SLC10A1: variants seen among roughly 807,000 people sequenced by gnomAD.
SLC10A1 encodes solute carrier family 10 member 1, also known as hepatic sodium/bile acid cotransporter.
In SLC10A1, 36 loss-of-function variants were observed where a neutral mutation model predicts 20.5. The ratio of observed to expected loss-of-function variants is 1.75; its 90% CI spans 1.34 to 2.32. The LOEUF is 2.32. Among genes scored for constraint, SLC10A1 ranks in the 30% most tolerant of loss-of-function variants. SLC10A1 has a pLI of 0.00. For synonymous variants in SLC10A1, 188 were observed against 163.6 expected (o/e 1.15, Z -1.14); for missense variants, 545 against 439.1 (o/e 1.24, Z -2.16).
chr14:69,791,599 C>A (rs1383936300), intron 1 of SLC10A1, among the ~76,000 whole-genome samples: 1 of 152,128 alleles, frequency 6.6e-6, no homozygotes, highest in Non-Finnish European at 1.5e-5. Flanking sequence ...TGTGCCCGGC[C>A]CATGATTTTC....
rs201554362 is a variant in SLC10A1 at position 69,786,146 on chromosome 14, C to T, written c.518G>A (p.Gly173Glu). ...LVLVLIPCTI[G>E]IVLKSKRPQY... Reference sequence around the variant, plus strand: ...TGGCCGTTTGGATTTGAGGACGATCCCTATGGTGCAAGGAATGAGAACCAG... The same window carrying T: ...TGGCCGTTTGGATTTGAGGACGATCTCTATGGTGCAAGGAATGAGAACCAG... Residue 173 changes from glycine (G) to glutamate (E), a missense_variant, in exon 2 of 5, where the codon GGG (glycine) becomes GAG (glutamate). Coordinates refer to ENST00000216540, the MANE Select transcript of SLC10A1 (RefSeq NM_003049.4). The T allele has an allele frequency of 8.7e-6, 14 of 1,613,936 alleles. No individual in the cohort carries two copies. Among genetic ancestry groups the T allele is most frequent in the Non-Finnish European group, 1.2e-5 (14 of 1,180,038 alleles).
Position 69,776,160 on chromosome 14 carries a change from G to C in SLC10A1, c.*122C>G. On this transcript the variant is annotated 3_prime_UTR_variant, in exon 5 of 5. Coordinates refer to ENST00000216540, the MANE Select transcript of SLC10A1 (RefSeq NM_003049.4). Reference sequence around the variant, plus strand: ...CGGCCAAGACTTGATGATTCTGATAGATGTACTGGAAATGCTGGAGAAAGA... The same window carrying C: ...CGGCCAAGACTTGATGATTCTGATACATGTACTGGAAATGCTGGAGAAAGA... 1 of 713,140 alleles carries C rather than the reference G, an allele frequency of 1.4e-6. No individual in the cohort carries two copies. Among genetic ancestry groups the C allele is most frequent in the South Asian group, 1.8e-5 (1 of 56,920 alleles). The allele number at this position is 713,140 out of a possible 1,614,324, so 44.2% of individuals were successfully genotyped here. A position where few individuals can be genotyped will look rare whatever the true frequency, so the allele number is the denominator to read the frequency against.
intron 4 of SLC10A1, among the ~76,000 whole-genome samples, chr14:69,776,854 T>C (rs1387498776): frequency 3.9e-5 from 6 of 152,202 alleles, no homozygotes. Context: ...TCCTGCACCT[T>C]TCTATACAGA....
chr14:69,778,184 C>T, intron 4 of SLC10A1, 149 bp downstream of exon 4: 2 of 590,460 alleles, frequency 3.4e-6, no homozygotes, highest in South Asian at 5.9e-5. Flanking sequence ...TTTAATGCTT[C>T]TTGGGTGCTT....
intron 1 of SLC10A1, among the ~76,000 whole-genome samples, chr14:69,792,855 GC>G (rs1882307681): frequency 2.7e-5 from 4 of 147,336 alleles, no homozygotes; most frequent in Admixed American, 2.7e-4. Flanking sequence ...AAAAAAGCAA[GC>G]TGTTAGGTGA....
At chr14:69,781,514 A>G (rs987505738) in intron 2 of SLC10A1, among the ~76,000 whole-genome samples, 1 of 152,246 alleles carries the variant, frequency 6.6e-6, no homozygotes, top group Non-Finnish European at 1.5e-5. Context: ...GAGGGAAGCA[A>G]TAGCAGGGAC....
At chr14:69,783,738 G>A (rs1883650535) in intron 2 of SLC10A1, among the ~76,000 whole-genome samples, 1 of 152,206 alleles carries the variant, frequency 6.6e-6, no homozygotes. Flanking sequence ...GGGTGAGGAG[G>A]TTGGATGAGA....
At chr14:69,777,998 C>T (rs1396900569) in intron 4 of SLC10A1, among the ~76,000 whole-genome samples, 1 of 152,064 alleles carries the variant, frequency 6.6e-6, no homozygotes, top group East Asian at 1.9e-4. Context: ...CGAATAGAGG[C>T]CTTTCACACA....
Position 69,776,057 on chromosome 14 carries a change from A to G in SLC10A1, c.*225T>C, listed in dbSNP as rs1344375100. ...GTTTCATAGAGTTTACAGTCACTGA[A>G]CAAGTCTTTAAAATAAGTAGCAAAT... is the stretch of plus-strand genomic sequence containing the variant. On this transcript the variant is annotated 3_prime_UTR_variant, in exon 5 of 5. Transcript: ENST00000216540. 3.7e-6 allele frequency: 2 copies of G among 547,778 alleles called. No individual in the cohort carries two copies. Among genetic ancestry groups the G allele is most frequent in the Non-Finnish European group, 6.5e-6 (2 of 308,748 alleles). The allele number at this position is 547,778 out of a possible 1,614,324, so 33.9% of individuals were successfully genotyped here. A position where few individuals can be genotyped will look rare whatever the true frequency, so the allele number is the denominator to read the frequency against.
chr14:69,794,176 G>A (rs2139723126), intron 1 of SLC10A1, among the ~76,000 whole-genome samples: 1 of 152,264 alleles, frequency 6.6e-6, no homozygotes. Context: ...GGGGCCTTTG[G>A]GCTACAGCTG....
chr14:69,786,329 G>A, intron 1 of SLC10A1, 22 bp from the exon 2 acceptor site: 1 of 1,601,412 alleles, frequency 6.2e-7, no homozygotes, highest in East Asian at 2.2e-5. Flanking sequence ...CATGGGAAGA[G>A]GGGAGAGAGA....
chr14:69,787,574 A>G (rs1883751393), intron 1 of SLC10A1, among the ~76,000 whole-genome samples: 2 of 152,222 alleles, frequency 1.3e-5, no homozygotes, highest in South Asian at 4.1e-4. Flanking sequence ...CCTATATCAA[A>G]GGTTCCAGAG....
At chr14:69,786,454 C>A in intron 1 of SLC10A1, 147 bp from the exon 2 acceptor site, 1 of 652,776 alleles carries the variant, frequency 1.5e-6, no homozygotes. Context: ...AGTAAGCATA[C>A]TATCTTCTTT....
intron 3 of SLC10A1, among the ~76,000 whole-genome samples, chr14:69,778,958 A>G (rs1322851243): frequency 6.6e-6 from 1 of 152,132 alleles, no homozygotes; most frequent in Non-Finnish European, 1.5e-5. Context: ...TGAGCTCATT[A>G]GTTCAAAACT....
Position 69,789,447 on chromosome 14 carries a change from A to G in SLC10A1, c.357-3140T>C, listed in dbSNP as rs114117486. Among the ~76,000 whole-genome samples the G allele has an allele frequency of 9.3e-3, 1,419 of 152,346 alleles. 20 individuals carry two copies. Among genetic ancestry groups the G allele is most frequent in the African/African-American group, 0.031 (1,273 of 41,562 alleles). ...TGAAAATATGCTAAGTGAAAGAAGT[A>G]TAGATACAAAAGGTCACATATTGAA... On this transcript the variant is annotated intron_variant, in intron 1 of 4. Coordinates refer to ENST00000216540, the MANE Select transcript of SLC10A1 (RefSeq NM_003049.4).
At chr14:69,796,716 C>T (rs1168061730) in intron 1 of SLC10A1, 84 bp downstream of exon 1, 3 of 1,202,454 alleles carry the variant, frequency 2.5e-6, no homozygotes, top group African/African-American at 3.0e-5. Context: ...CTTTTCCTGG[C>T]TTTAGCCCAG....
chr14:69,796,782 C>T lies in SLC10A1; in HGVS notation c.356+18G>A, dbSNP rs1345071864. 14 of 1,596,340 alleles carry T rather than the reference C, an allele frequency of 8.8e-6. No individual in the cohort carries two copies. The highest frequency in any genetic ancestry group is 1.3e-5 in the African/African-American group (1 of 74,790). ...TAGCTCCTGTCCCAGGCTGTTCCCTCCTCACCCCCAGGCCTACCTGAGGTT... is the reference window on the plus strand; with the variant it reads ...TAGCTCCTGTCCCAGGCTGTTCCCTTCTCACCCCCAGGCCTACCTGAGGTT... On this transcript the variant is annotated intron_variant, in intron 1 of 4. Transcript: ENST00000216540.
chr14:69,784,798 T>G (rs1297320384), intron 2 of SLC10A1, among the ~76,000 whole-genome samples: 1 of 151,796 alleles, frequency 6.6e-6, no homozygotes, highest in African/African-American at 2.4e-5. Context: ...GTAGAGAGAA[T>G]GATTGCAATC....
At chr14:69,782,269 C>T (rs971320690) in intron 2 of SLC10A1, among the ~76,000 whole-genome samples, 1 of 152,104 alleles carries the variant, frequency 6.6e-6, no homozygotes, top group Non-Finnish European at 1.5e-5. Flanking sequence ...TTATGTAGTC[C>T]CTTATTACTA....
Sources: allele counts gnomAD v4.1 joint callset (sites outside exome capture counted in the v4.1 genomes callset), GRCh38; gene constraint gnomAD v4.1.1; transcripts MANE v1.5; gene names NCBI Gene and HGNC (gene_info 2026-07-23, HGNC 2026-07-21).